ESRRG: variants seen among roughly 807,000 people sequenced by gnomAD.
ESRRG encodes estrogen related receptor gamma, also known as estrogen-related receptor gamma.
ESRRG carries 13 observed loss-of-function variants against 44.0 expected under a neutral mutation model. The ratio of observed to expected loss-of-function variants is 0.30; its 90% CI spans 0.19 to 0.47. ESRRG has a LOEUF of 0.47. Among genes scored for constraint, ESRRG ranks in the 20% least tolerant of loss-of-function variants. The pLI is 1.00. For missense variants in ESRRG, 395 were observed against 580.6 expected (o/e 0.68, Z 3.29); for synonymous variants, 215 against 214.6 (o/e 1.00, Z -0.02).
intron 2 of ESRRG, among the ~76,000 whole-genome samples, chr1:216,882,591 T>A (rs559634776): frequency 6.6e-6 from 1 of 152,320 alleles, no homozygotes; most frequent in South Asian, 2.1e-4. Flanking sequence ...TTGTTCAATA[T>A]AAACATATAT....
chr1:216,659,244 A>C (rs943221149), intron 2 of ESRRG, among the ~76,000 whole-genome samples: 2 of 152,204 alleles, frequency 1.3e-5, no homozygotes, highest in Non-Finnish European at 2.9e-5. Flanking sequence ...CACCTTCCTC[A>C]GATTTATACA....
At chr1:216,614,016 T>C (rs924759750) in intron 3 of ESRRG, among the ~76,000 whole-genome samples, 3 of 152,202 alleles carry the variant, frequency 2.0e-5, no homozygotes, top group African/African-American at 7.2e-5. Flanking sequence ...CTGCACTAAA[T>C]TGTAAGTCCC....
chr1:217,009,626 C>T (rs1218644641), intron 1 of ESRRG, among the ~76,000 whole-genome samples: 3 of 151,970 alleles, frequency 2.0e-5, no homozygotes, highest in Non-Finnish European at 2.9e-5. Flanking sequence ...GCTTAAGGAA[C>T]ACTGGGAGTG....
chr1:217,107,225 C>T (rs1216857746), intron 1 of ESRRG, among the ~76,000 whole-genome samples: 2 of 152,160 alleles, frequency 1.3e-5, no homozygotes, highest in East Asian at 3.8e-4. Flanking sequence ...AATAAGAGTA[C>T]GTCAAATCTC....
At chr1:216,965,227 A>T (rs1262517394) in intron 1 of ESRRG, among the ~76,000 whole-genome samples, 1 of 151,662 alleles carries the variant, frequency 6.6e-6, no homozygotes. Context: ...CTCAGGACAC[A>T]TCTTTCCTCC....
intron 1 of ESRRG, among the ~76,000 whole-genome samples, chr1:217,011,197 T>C (rs1002616878): frequency 5.3e-5 from 8 of 152,026 alleles, no homozygotes; most frequent in African/African-American, 1.9e-4. Context: ...AAATGACACA[T>C]TGCCTGACTA....
chr1:216,967,776 T>C (rs2070773994), intron 1 of ESRRG, among the ~76,000 whole-genome samples: 1 of 152,090 alleles, frequency 6.6e-6, no homozygotes, highest in South Asian at 2.1e-4. Context: ...TTGAATCATA[T>C]AGTAAGAGTG....
At chr1:217,062,095 T>C (rs923518427) in intron 1 of ESRRG, among the ~76,000 whole-genome samples, 1 of 152,120 alleles carries the variant, frequency 6.6e-6, no homozygotes, top group African/African-American at 2.4e-5. Context: ...TTTTTCAACA[T>C]GGGCAGTCAC....
intron 1 of ESRRG, 98 bp downstream of exon 1, chr1:216,723,146 A>G: frequency 9.9e-7 from 1 of 1,011,594 alleles, no homozygotes; most frequent in Non-Finnish European, 1.5e-6. Context: ...CAAAATACCC[A>G]GGGCATTACC....
chr1:216,582,445 C>G (rs2062962359), intron 3 of ESRRG, among the ~76,000 whole-genome samples: 1 of 152,022 alleles, frequency 6.6e-6, no homozygotes, highest in African/African-American at 2.4e-5. Flanking sequence ...CAAGTCAATT[C>G]TTTTCTTTTT....
At chr1:216,582,030 C>T (rs1446969588) in intron 3 of ESRRG, among the ~76,000 whole-genome samples, 1 of 152,170 alleles carries the variant, frequency 6.6e-6, no homozygotes, top group East Asian at 1.9e-4. Context: ...AGAACTTACT[C>T]TTTTATTTAT....
At chr1:216,735,137 C>T (rs1225999046) in intron 2 of ESRRG, among the ~76,000 whole-genome samples, 8 of 151,548 alleles carry the variant, frequency 5.3e-5, no homozygotes, top group South Asian at 2.1e-4. Flanking sequence ...TCCAACTCCT[C>T]ACCTCAGGTG....
intron 5 of ESRRG, among the ~76,000 whole-genome samples, chr1:216,531,350 C>T (rs893763165): frequency 6.6e-6 from 1 of 152,062 alleles, no homozygotes; most frequent in Non-Finnish European, 1.5e-5. Flanking sequence ...TTTTTCTCTG[C>T]GGCTAATGAA....
chr1:216,914,545 G>T, intron 2 of ESRRG, among the ~76,000 whole-genome samples: 1 of 152,114 alleles, frequency 6.6e-6, no homozygotes, highest in East Asian at 1.9e-4. Context: ...TGAAAAAAAA[G>T]ACTTTGACCA....
At chr1:217,075,694 T>C (rs1222706524) in intron 1 of ESRRG, among the ~76,000 whole-genome samples, 1 of 151,388 alleles carries the variant, frequency 6.6e-6, no homozygotes, top group Non-Finnish European at 1.5e-5. Context: ...GTATTAACCA[T>C]GATATTCTGA....
chr1:216,673,062 T>C (rs1010818476), intron 2 of ESRRG, among the ~76,000 whole-genome samples: 2 of 152,102 alleles, frequency 1.3e-5, no homozygotes, highest in Non-Finnish European at 2.9e-5. Flanking sequence ...GGGAGTTACA[T>C]AATCTCTTCC....
At chr1:216,598,740 A>AG (rs397721582) in intron 3 of ESRRG, among the ~76,000 whole-genome samples, 4 of 152,082 alleles carry the variant, frequency 2.6e-5, no homozygotes, top group Admixed American at 2.6e-4. Context: ...GAAAAAAAAA[A>AG]GAGGCTTGAT....
At chr1:216,612,701 C>A (rs2060840150) in intron 3 of ESRRG, among the ~76,000 whole-genome samples, 1 of 152,186 alleles carries the variant, frequency 6.6e-6, no homozygotes, top group Admixed American at 6.5e-5. Flanking sequence ...TCCTCAAAAT[C>A]CCACAATAAA....
At chr1:216,735,831 T>G (rs1252688335) in intron 2 of ESRRG, among the ~76,000 whole-genome samples, 1 of 151,208 alleles carries the variant, frequency 6.6e-6, no homozygotes, top group Non-Finnish European at 1.5e-5. Flanking sequence ...ATACAAAAAT[T>G]AGCCAGGCAT....
Sources: allele counts gnomAD v4.1 joint callset (sites outside exome capture counted in the v4.1 genomes callset), GRCh38; gene constraint gnomAD v4.1.1; transcripts MANE v1.5; gene names NCBI Gene and HGNC (gene_info 2026-07-23, HGNC 2026-07-21).